Variants in LY96 observed in about 807,000 individuals in gnomAD.
LY96 encodes myeloid differentiation protein-2.
In LY96, 18 loss-of-function variants were observed where a neutral mutation model predicts 18.9. The ratio of observed to expected loss-of-function variants is 0.95; its 90% CI spans 0.66 to 1.41. LY96 has a LOEUF of 1.41. Among genes scored for constraint, LY96 ranks in the 40% most tolerant of loss-of-function variants. The probability of loss-of-function intolerance (pLI) is 0.00; values close to 1 mark genes in which losing one functional copy is unlikely to be tolerated. For synonymous variants in LY96, 66 were observed against 62.6 expected (o/e 1.06, Z -0.26); for missense variants, 175 against 182.4 (o/e 0.96, Z 0.23).
the LY96 span, among the ~76,000 whole-genome samples, chr8:74,036,878 AT>A: frequency 2.6e-5 from 4 of 152,286 alleles, no homozygotes; most frequent in African/African-American, 9.6e-5. Flanking sequence ...ACCCTGTTTC[AT>A]TCCTTATGGG....
At chr8:74,020,871 A>T (rs1816744534) in intron 3 of LY96, among the ~76,000 whole-genome samples, 1 of 152,262 alleles carries the variant, frequency 6.6e-6, no homozygotes. Flanking sequence ...AGCCATATGT[A>T]GAAAGCTGAA....
In LY96 at chr8:74,010,096, G is replaced by A; in HGVS notation, c.298G>A (p.Asp100Asn). 1.2e-6 allele frequency: 2 copies of A among 1,613,340 alleles called. No individual in the cohort carries two copies. Among genetic ancestry groups the A allele is most frequent in the South Asian group, 2.2e-5 (2 of 91,058 alleles). Residue 100 changes from aspartate to asparagine, a missense_variant, in exon 3 of 5, where the codon GAC becomes AAC. By Grantham distance (23) the Asp-to-Asn change is conservative. Transcript: ENST00000284818. ...AGAAGTTATTTGCCGAGGATCTGAT[G>A]ACGATTACTCTTTTTGCAGAGCTCT... ...RKEVICRGSDDDYSFCRALKG... is the reference protein window; with the variant it reads ...RKEVICRGSDNDYSFCRALKG...
At chr8:74,047,824 A>G in the LY96 span, among the ~76,000 whole-genome samples, 2 of 152,208 alleles carry the variant, frequency 1.3e-5, no homozygotes, top group Non-Finnish European at 2.9e-5. Flanking sequence ...CTGAAACACA[A>G]ATCTGATAAT....
At chr8:74,058,465 A>C in the LY96 span, among the ~76,000 whole-genome samples, 1 of 151,962 alleles carries the variant, frequency 6.6e-6, no homozygotes, top group Non-Finnish European at 1.5e-5. Context: ...TCTCCAGAGA[A>C]ACAGAAGCAA....
chr8:74,025,482 C>A (rs1028686798), intron 3 of LY96, among the ~76,000 whole-genome samples: 5 of 151,242 alleles, frequency 3.3e-5, no homozygotes, highest in Non-Finnish European at 5.9e-5. Context: ...TAGAGAAACT[C>A]TGTCTCTACT....
chr8:74,091,776 G>A, the LY96 span, among the ~76,000 whole-genome samples: 4 of 152,142 alleles, frequency 2.6e-5, no homozygotes, highest in Non-Finnish European at 4.4e-5. Context: ...AGGGGCAAAC[G>A]CTCTAACTGA....
At chr8:74,007,760 T>C (rs532290648) in intron 2 of LY96, among the ~76,000 whole-genome samples, 4 of 152,250 alleles carry the variant, frequency 2.6e-5, no homozygotes, top group African/African-American at 9.6e-5. Flanking sequence ...ACAGCCTCCA[T>C]GTTTCTTTTC....
chr8:74,008,713 T>C (rs1816466936), intron 2 of LY96, among the ~76,000 whole-genome samples: 1 of 152,152 alleles, frequency 6.6e-6, no homozygotes, highest in African/African-American at 2.4e-5. Flanking sequence ...AGATATTGAA[T>C]AAATACATGG....
intron 3 of LY96, among the ~76,000 whole-genome samples, chr8:74,017,334 A>G (rs10094498): frequency 0.28 from 42,424 of 152,118 alleles, 8,002 homozygotes; most frequent in African/African-American, 0.54. Context: ...GAAATGAAGC[A>G]AGAAGAGAAG....
chr8:74,038,351 G>A, the LY96 span, among the ~76,000 whole-genome samples: 8 of 151,830 alleles, frequency 5.3e-5, no homozygotes, highest in East Asian at 1.9e-4. Flanking sequence ...GCCACCCCCC[G>A]TTCCCAGCCT....
At chr8:74,030,525 A>G (rs1235374136), downstream of LY96, among the ~76,000 whole-genome samples, 1 of 152,222 alleles carries the variant, frequency 6.6e-6, no homozygotes, top group Non-Finnish European at 1.5e-5. Context: ...TATAGAAACA[A>G]AAGGATGGGG....
intron 3 of LY96, among the ~76,000 whole-genome samples, chr8:74,022,581 C>CTTTTTTTTT (rs769379029): frequency 7.5e-5 from 10 of 133,140 alleles, no homozygotes; most frequent in African/African-American, 1.1e-4. Flanking sequence ...TTCTTTTTTT[C>CTTTTTTTTT]TTTTTTTTTT....
chr8:74,058,583 A>C, the LY96 span, among the ~76,000 whole-genome samples: 34 of 150,470 alleles, frequency 2.3e-4, no homozygotes, highest in African/African-American at 8.1e-4. Flanking sequence ...GCAGTGGCGC[A>C]ATCTCGGCTC....
intron 3 of LY96, among the ~76,000 whole-genome samples, chr8:74,022,895 T>G (rs1816798769): frequency 6.6e-6 from 1 of 152,100 alleles, no homozygotes; most frequent in African/African-American, 2.4e-5. Flanking sequence ...TTGTTCTTAA[T>G]TTCTTTCTCA....
chr8:74,043,425 C>T, the LY96 span, among the ~76,000 whole-genome samples: 1 of 152,134 alleles, frequency 6.6e-6, no homozygotes, highest in Non-Finnish European at 1.5e-5. Flanking sequence ...AGCTTAGACC[C>T]AAAAGCAATG....
At chr8:74,078,109 A>AC in the LY96 span, among the ~76,000 whole-genome samples, 3 of 131,676 alleles carry the variant, frequency 2.3e-5, no homozygotes, top group African/African-American at 1.1e-4. Flanking sequence ...CCCTGTCTCA[A>AC]TAAAAAAAAA....
intron 2 of LY96, 123 bp downstream of exon 2, chr8:74,005,008 C>A: frequency 2.0e-6 from 2 of 1,020,978 alleles, no homozygotes; most frequent in Admixed American, 2.1e-5. Flanking sequence ...TTACCACGAT[C>A]TTTGTGGCTT....
At chr8:74,015,401 T>C (rs190406295) in intron 3 of LY96, among the ~76,000 whole-genome samples, 1 of 152,300 alleles carries the variant, frequency 6.6e-6, no homozygotes, top group East Asian at 1.9e-4. Flanking sequence ...TCCAGGCCTC[T>C]CTCCTAGCTT....
At chr8:74,031,590 C>T (rs549486262), downstream of LY96, among the ~76,000 whole-genome samples, 1 of 150,952 alleles carries the variant, frequency 6.6e-6, no homozygotes, top group Non-Finnish European at 1.5e-5. Flanking sequence ...CGAGATCGTG[C>T]CACTACTGCA....
Sources: allele counts gnomAD v4.1 joint callset (sites outside exome capture counted in the v4.1 genomes callset), GRCh38; gene constraint gnomAD v4.1.1; transcripts MANE v1.5; gene names NCBI Gene and HGNC (gene_info 2026-07-23, HGNC 2026-07-21).